MTA1: variants seen among roughly 807,000 people sequenced by gnomAD.
MTA1 encodes the protein metastasis associated 1.
MTA1 carries 15 observed loss-of-function variants against 97.0 expected under a neutral mutation model. The ratio of observed to expected loss-of-function variants is 0.15; its 90% CI spans 0.10 to 0.24. The LOEUF is 0.24. Among genes scored for constraint, MTA1 ranks in the 10% least tolerant of loss-of-function variants. MTA1 has a pLI of 1.00. For missense variants in MTA1, 709 were observed against 1,015.1 expected (o/e 0.70, Z 4.10); for synonymous variants, 435 against 417.5 (o/e 1.04, Z -0.51).
intron 1 of MTA1, among the ~76,000 whole-genome samples, chr14:105,423,366 G>A (rs1289302009): frequency 6.6e-6 from 1 of 151,728 alleles, no homozygotes; most frequent in African/African-American, 2.4e-5. Flanking sequence ...CTAGCCAGGC[G>A]CCACCAGGCC....
intron 2 of MTA1, among the ~76,000 whole-genome samples, chr14:105,442,318 G>A (rs1401877218): frequency 6.6e-6 from 1 of 152,198 alleles, no homozygotes; most frequent in African/African-American, 2.4e-5. Flanking sequence ...CTGAGGCCTT[G>A]GAGTGCACTC....
chr14:105,429,160 C>T (rs921245888), intron 1 of MTA1, among the ~76,000 whole-genome samples: 14 of 152,186 alleles, frequency 9.2e-5, no homozygotes, highest in South Asian at 6.2e-4. Context: ...GTTAGGGCCT[C>T]GCTCAGGCTG....
At chr14:105,431,366 C>G (rs2082173881) in intron 1 of MTA1, among the ~76,000 whole-genome samples, 2 of 152,106 alleles carry the variant, frequency 1.3e-5, no homozygotes, top group Admixed American at 1.3e-4. Context: ...GCCCAGCCTA[C>G]AAGCTGGTTA....
In MTA1 at chr14:105,466,490, G is replaced by A. The variant is rs2083591568; in HGVS notation, c.1689G>A (p.Leu563=). The change falls in exon 17 of 21, where the codon CTG becomes CTA. Residue 563 remains leucine, a synonymous_variant. Coordinates refer to ENST00000331320, the MANE Select transcript of MTA1 (RefSeq NM_004689.4). ...VKSVSSVLSS[L]TPAKVAPVIN... ...GCGTGTCCAGCGTGCTCAGCAGCCT[G>A]ACGCCCGCCAAGGTGGCCCCCGTCA... 6.3e-7 allele frequency: 1 copy of A among 1,594,238 alleles called. No homozygotes were observed. The highest frequency in any genetic ancestry group is 2.3e-5 in the East Asian group (1 of 43,942).
In MTA1 at chr14:105,458,306, C is replaced by G. The variant is rs781840599; in HGVS notation, c.587C>G (p.Thr196Ser). ...EDGRDQSRLE[T>S]QVWEAHNPLT... ...GGCCGAGACCAGTCCAGGTTGGAGA[C>G]CCAGGTGTGGGAGGCGCACAACCCA... Residue 196 changes from threonine to serine, a missense_variant, in exon 8 of 21, where the codon ACC (threonine) becomes AGC (serine). Coordinates refer to ENST00000331320, the MANE Select transcript of MTA1 (RefSeq NM_004689.4). The G allele has an allele frequency of 5.0e-6, 8 of 1,612,634 alleles. No individual in the cohort carries two copies. In the East Asian group the frequency reaches 1.6e-4, roughly 31 times the overall value.
intron 1 of MTA1, among the ~76,000 whole-genome samples, chr14:105,434,059 G>A (rs1555423920): frequency 6.6e-6 from 1 of 152,194 alleles, no homozygotes; most frequent in African/African-American, 2.4e-5. Context: ...ATCTCCTGAA[G>A]TGATCTGCCC....
At chr14:105,465,298 C>A in intron 16 of MTA1, 115 bp downstream of exon 16, 1 of 932,350 alleles carries the variant, frequency 1.1e-6, no homozygotes, top group Non-Finnish European at 1.5e-6. Flanking sequence ...GGACAGCCCC[C>A]CAGGGCCTGG....
rs1229297627 is a variant in MTA1 at position 105,422,134 on chromosome 14, C to T, written c.28+2071C>T. ...AGCTGTCAGGCCCCCCACGTGCCCG[C>T]CCCGAGGACTTCCTCTCCCTGCAGG... is the stretch of plus-strand genomic sequence containing the variant. On this transcript the variant is annotated intron_variant, in intron 1 of 20. Coordinates refer to ENST00000331320, the MANE Select transcript of MTA1 (RefSeq NM_004689.4). The surrounding 1 kb of genome is among the most constrained non-coding windows in gnomAD (Gnocchi z 4.3). Among the ~76,000 whole-genome samples, 1 of 152,174 alleles carries T rather than the reference C, an allele frequency of 6.6e-6. No homozygotes were observed. The highest frequency in any genetic ancestry group is 1.5e-5 in the Non-Finnish European group (1 of 68,026).
chr14:105,445,360 G>C, intron 2 of MTA1, 58 bp from the exon 3 acceptor site: 1 of 1,532,638 alleles, frequency 6.5e-7, no homozygotes, highest in Non-Finnish European at 9.0e-7. Context: ...CCCCTCCTGG[G>C]AGCTGTGCAG....
intron 16 of MTA1, chr14:105,466,172 G>C (rs2083573801): frequency 1.8e-6 from 1 of 554,840 alleles, no homozygotes; most frequent in Non-Finnish European, 3.2e-6. Context: ...GCCCCCGCCA[G>C]GTGGTCTCCC....
At chr14:105,462,991 G>A (rs977202029) in intron 10 of MTA1, among the ~76,000 whole-genome samples, 193 bp from the exon 11 acceptor site, 1 of 152,104 alleles carries the variant, frequency 6.6e-6, no homozygotes, top group Non-Finnish European at 1.5e-5. Flanking sequence ...GGCATCTGGC[G>A]GGGGGACCTG....
intron 2 of MTA1, among the ~76,000 whole-genome samples, chr14:105,441,445 C>T (rs1346705869): frequency 1.3e-5 from 2 of 152,144 alleles, no homozygotes; most frequent in African/African-American, 4.8e-5. Flanking sequence ...AGCCGCAAGG[C>T]GTATGGGGCG....
intron 2 of MTA1, among the ~76,000 whole-genome samples, chr14:105,440,918 A>G (rs1041704578): frequency 6.6e-6 from 1 of 152,186 alleles, no homozygotes; most frequent in African/African-American, 2.4e-5. Flanking sequence ...TCAAATAACA[A>G]GAAAGTGGTG....
At chr14:105,452,289 A>G (rs1555428925) in intron 6 of MTA1, among the ~76,000 whole-genome samples, 1 of 152,254 alleles carries the variant, frequency 6.6e-6, no homozygotes, top group African/African-American at 2.4e-5. Flanking sequence ...ACAGATAAGC[A>G]AGAGTGCAGA....
Position 105,463,311 on chromosome 14 carries a change from C to T in MTA1, c.1017+53C>T, listed in dbSNP as rs2083433875. The T allele has an allele frequency of 6.3e-7, 1 of 1,590,930 alleles. No homozygotes were observed. The highest frequency in any genetic ancestry group is 8.6e-7 in the Non-Finnish European group (1 of 1,162,122). On this transcript the variant is annotated intron_variant, in intron 11 of 20. Coordinates refer to ENST00000331320, the MANE Select transcript of MTA1 (RefSeq NM_004689.4). The surrounding 1 kb of genome is among the most constrained non-coding windows in gnomAD (Gnocchi z 5.9). ...GGGTGTGCCGCCTCCCCGTCCTGCG[C>T]CCCATCCTCTCCCAGCAGGTGGGCG...
rs1320626663 is a variant in MTA1 at position 105,420,843 on chromosome 14, T to TG, written c.28+786dup. Among the ~76,000 whole-genome samples the TG allele has an allele frequency of 1.3e-5, 2 of 152,092 alleles. No individual in the cohort carries two copies. The highest frequency in any genetic ancestry group is 3.9e-4 in the East Asian group (2 of 5,180). Reference sequence around the variant, plus strand: ...CTCCGTGGGGTCTTTCACAGGAAGGTGGGGGGTCGTGTGCATTCCATCATT... The same window carrying TG: ...CTCCGTGGGGTCTTTCACAGGAAGGTGGGGGGGTCGTGTGCATTCCATCATT... On this transcript the variant is annotated intron_variant, in intron 1 of 20. Coordinates refer to ENST00000331320, the MANE Select transcript of MTA1 (RefSeq NM_004689.4). The surrounding 1 kb of genome is among the most constrained non-coding windows in gnomAD (Gnocchi z 5.3).
chr14:105,465,232 C>T (rs1555432448), intron 16 of MTA1, 49 bp downstream of exon 16: 6 of 1,452,264 alleles, frequency 4.1e-6, no homozygotes, highest in Non-Finnish European at 4.6e-6. Flanking sequence ...CTGCAGGCAG[C>T]TTCTCACCCA....
Position 105,466,427 on chromosome 14 carries a change from G to GGGCCCCCCCCCCCCC in MTA1, c.1626_1627insGGCCCCCCCCCCCCC (p.Glu542_Thr543insGlyProProProPro). Reference sequence around the variant, plus strand: ...TTCTGCCTGTGTCATTCCCGGCAGAGACCCACCCCCGCCCCCCCAAGCCTG... The same window carrying GGGCCCCCCCCCCCCC: ...TTCTGCCTGTGTCATTCCCGGCAGAGGGCCCCCCCCCCCCCACCCACCCCCGCCCCCCCAAGCCTG... On this transcript the variant is annotated inframe_insertion and splice_region_variant, in exon 17 of 21. Transcript: ENST00000331320. The GGGCCCCCCCCCCCCC allele has an allele frequency of 6.3e-7, 1 of 1,592,106 alleles. No homozygotes were observed. The highest frequency in any genetic ancestry group is 8.6e-7 in the Non-Finnish European group (1 of 1,165,320).
rs141780757 is a variant in MTA1, at chr14:105,469,496, A to G, written c.1843A>G (p.Met615Val). Residue 615 changes from methionine (M) to valine (V), a missense_variant and splice_region_variant, in exon 19 of 21, where the codon ATG becomes GTG. Physicochemically the swap from Met to Val is conservative, Grantham distance 21. Transcript: ENST00000331320. ...GGCAAACCACGGACAGGCCAGGCAC[A>G]TGGTAAGAGGAACAACCCATGATGG... ...GLANHGQARHMGPSRNLLLNG... is the reference protein window; with the variant it reads ...GLANHGQARHVGPSRNLLLNG... The G allele has an allele frequency of 2.3e-5, 37 of 1,612,576 alleles. No individual in the cohort carries two copies. The highest frequency in any genetic ancestry group is 2.9e-5 in the Non-Finnish European group (34 of 1,179,720).
Sources: allele counts gnomAD v4.1 joint callset (sites outside exome capture counted in the v4.1 genomes callset), GRCh38; gene constraint gnomAD v4.1.1; non-coding constraint Gnocchi (gnomAD v3.1); transcripts MANE v1.5; gene names NCBI Gene and HGNC (gene_info 2026-07-23, HGNC 2026-07-21).